DNMT3A: variants seen among roughly 807,000 people sequenced by gnomAD.
The protein encoded by DNMT3A is DNA methyltransferase 3 alpha.
In DNMT3A, 267 loss-of-function variants were observed where a neutral mutation model predicts 117.6. The observed-to-expected ratio is 2.27, with a 90% CI of 2.05 to 2.51. DNMT3A has a LOEUF of 2.51. Among genes scored for constraint, DNMT3A ranks in the 30% most tolerant of loss-of-function variants. The pLI, the probability that DNMT3A is intolerant of heterozygous loss-of-function variation, is 0.00. For missense variants in DNMT3A, 1,029 were observed against 1,260.2 expected (o/e 0.82, Z 2.78); for synonymous variants, 432 against 474.8 (o/e 0.91, Z 1.17).
At chr2:25,300,724 T>TATATA (rs2033435767) in intron 2 of DNMT3A, among the ~76,000 whole-genome samples, 1 of 18,610 alleles carries the variant, frequency 5.4e-5, no homozygotes, top group Non-Finnish European at 9.3e-5. Flanking sequence ...TATATATATA[T>TATATA]ATATATATAT....
Position 25,252,093 on chromosome 2 carries a change from A to T in DNMT3A, c.640-3841T>A, listed in dbSNP as rs1675636609. The T allele has an allele frequency of 1.4e-6, 2 of 1,437,316 alleles. No homozygotes were observed. Among genetic ancestry groups the T allele is most frequent in the East Asian group, 5.3e-5 (2 of 37,726 alleles). The allele number at this position is 1,437,316 out of a possible 1,614,324, so 89.0% of individuals were successfully genotyped here. A position where few individuals can be genotyped will look rare whatever the true frequency, so the allele number is the denominator to read the frequency against. On this transcript the variant is annotated intron_variant, in intron 6 of 22. Coordinates refer to ENST00000321117, the MANE Select transcript of DNMT3A (RefSeq NM_022552.5). This position sits in a 1 kb window ranked among gnomAD's most constrained non-coding sequence, Gnocchi z 5.5. Reference sequence around the variant, plus strand: ...CGCGGCTGCTGCGGGCCGGGGAGGCATACTTCACTCTTTTCAAACCCGGAG... The same window carrying T: ...CGCGGCTGCTGCGGGCCGGGGAGGCTTACTTCACTCTTTTCAAACCCGGAG...
In DNMT3A at chr2:25,244,284, TG is replaced by T; in HGVS notation, c.1721del (p.Ala574GlufsTer77). The T allele has an allele frequency of 6.2e-7, 1 of 1,612,988 alleles. No individual in the cohort carries two copies. The highest frequency in any genetic ancestry group is 8.5e-7 in the Non-Finnish European group (1 of 1,179,570). ...AGTTCCAGGGGTCTTCCTTAATGGC[TG>T]CCTGGGCAGCCCCCGGCCCCACCAA... is the stretch of plus-strand genomic sequence containing the variant. ...DLLVGPGAAQ[A>X]AIKEDPWNCY... On this transcript the variant is annotated frameshift_variant, in exon 15 of 23. Coordinates refer to ENST00000321117, the MANE Select transcript of DNMT3A (RefSeq NM_022552.5). LOFTEE classifies it high-confidence loss of function.
chr2:25,245,199 G>A, intron 13 of DNMT3A, 54 bp downstream of exon 13: 1 of 1,556,470 alleles, frequency 6.4e-7, no homozygotes, highest in Non-Finnish European at 8.8e-7. Context: ...CAGTCAGCCA[G>A]AAGGCCGAAG....
chr2:25,340,223 C>G (rs912138627), intron 1 of DNMT3A, among the ~76,000 whole-genome samples: 2 of 152,166 alleles, frequency 1.3e-5, no homozygotes, highest in African/African-American at 2.4e-5. Flanking sequence ...GGGGGCTCCC[C>G]TCAGGAGCCG....
In DNMT3A at chr2:25,246,667, A is replaced by T; in HGVS notation, c.1232T>A (p.Leu411Gln). The T allele has an allele frequency of 6.2e-7, 1 of 1,613,538 alleles. No homozygotes were observed. The highest frequency in any genetic ancestry group is 8.5e-7 in the Non-Finnish European group (1 of 1,179,968). ...VQNKPMIEWALGGFQPSGPKG... is the reference protein window; with the variant it reads ...VQNKPMIEWAQGGFQPSGPKG... ...AGGGCCAGAAGGCTGGAAGCCCCCC[A>T]GGGCCCATTCAATCATGGGCTTGTT... The change falls in exon 10 of 23, where the codon CTG becomes CAG. Residue 411 changes from leucine to glutamine, a missense_variant. Physicochemically the swap from Leu to Gln is moderately radical, Grantham distance 113 (BLOSUM62 -2). Transcript: ENST00000321117.
At chr2:25,261,808 T>TA (rs1676639195) in intron 6 of DNMT3A, among the ~76,000 whole-genome samples, 1 of 152,048 alleles carries the variant, frequency 6.6e-6, no homozygotes, top group Non-Finnish European at 1.5e-5. Context: ...GGTCCTCTCC[T>TA]AGCAGGTCTG....
intron 3 of DNMT3A, among the ~76,000 whole-genome samples, chr2:25,297,861 G>T (rs1169486749): frequency 5.9e-5 from 9 of 152,212 alleles, no homozygotes; most frequent in Admixed American, 5.9e-4. Flanking sequence ...CCAGGAGGTG[G>T]ACAGGGCAGG....
At chr2:25,255,498 C>G (rs1676030132) in intron 6 of DNMT3A, among the ~76,000 whole-genome samples, 1 of 152,198 alleles carries the variant, frequency 6.6e-6, no homozygotes, top group Admixed American at 6.5e-5. Flanking sequence ...AAGGAAGTAT[C>G]CAGTGTGGTC....
At chr2:25,300,068 C>T in intron 3 of DNMT3A, 71 bp downstream of exon 3, 1 of 1,513,230 alleles carries the variant, frequency 6.6e-7, no homozygotes, top group Non-Finnish European at 9.0e-7. Context: ...ACATACATCA[C>T]TGCCATCGAC....
At chr2:25,285,360 A>G (rs1020937429) in intron 3 of DNMT3A, among the ~76,000 whole-genome samples, 1 of 152,224 alleles carries the variant, frequency 6.6e-6, no homozygotes, top group Admixed American at 6.5e-5. Context: ...GGAAAACAAA[A>G]ACAAAAACAA....
intron 6 of DNMT3A, among the ~76,000 whole-genome samples, chr2:25,263,280 C>T (rs1260614147): frequency 6.6e-6 from 1 of 152,086 alleles, no homozygotes; most frequent in East Asian, 1.9e-4. Context: ...GGAAGCTTTC[C>T]TGGAGTCCTC....
chr2:25,316,452 A>G (rs2034386222), intron 1 of DNMT3A, among the ~76,000 whole-genome samples: 1 of 152,226 alleles, frequency 6.6e-6, no homozygotes, highest in African/African-American at 2.4e-5. Flanking sequence ...GTGTTGCTCA[A>G]TGGACCAGCC....
At position 25,244,167 on chromosome 2, in the gene DNMT3A, G is replaced by A. The variant is rs145941316; in HGVS notation, c.1839C>T (p.His613=). Reference sequence around the variant, plus strand: ...GCCCAGCACTCACAAATTCCTGGTCGTGGTTATTAGCGAAGAACATCTGGA... The same window carrying A: ...GCCCAGCACTCACAAATTCCTGGTCATGGTTATTAGCGAAGAACATCTGGA... The part of the protein sequence containing the change: ...SRLQMFFANN[H]DQEFDPPKVY... Residue 613 remains histidine (H), a synonymous_variant, in exon 15 of 23, where the codon CAC becomes CAT. Transcript: ENST00000321117. 20 of 1,613,932 alleles carry A rather than the reference G, an allele frequency of 1.2e-5. No individual in the cohort carries two copies. The highest frequency in any genetic ancestry group is 1.7e-5 in the Admixed American group (1 of 60,024).
chr2:25,308,824 C>A (rs936005678), intron 2 of DNMT3A, among the ~76,000 whole-genome samples: 6 of 152,140 alleles, frequency 3.9e-5, no homozygotes, highest in Non-Finnish European at 5.9e-5. Flanking sequence ...CTGGCAGGGA[C>A]CCCACCCAAG....
At chr2:25,340,909 T>C (rs2035400834) in intron 1 of DNMT3A, among the ~76,000 whole-genome samples, 1 of 116,454 alleles carries the variant, frequency 8.6e-6, no homozygotes, top group African/African-American at 3.2e-5. Context: ...CGCCCCCACA[T>C]TGCGGCGCCG....
chr2:25,310,994 CT>C (rs1245293728), intron 2 of DNMT3A, among the ~76,000 whole-genome samples: 9 of 152,172 alleles, frequency 5.9e-5, no homozygotes, highest in Non-Finnish European at 1.3e-4. Context: ...GGCTTTGAGG[CT>C]TTGACCAGGG....
chr2:25,277,772 G>A (rs2031551492), intron 4 of DNMT3A, among the ~76,000 whole-genome samples: 1 of 152,114 alleles, frequency 6.6e-6, no homozygotes, highest in Non-Finnish European at 1.5e-5. Context: ...AGACCTGGGG[G>A]GTGGAGTGAC....
In DNMT3A at chr2:25,252,085, G is replaced by A. The variant is rs1675635532; in HGVS notation, c.640-3833C>T. The A allele has an allele frequency of 2.2e-6, 3 of 1,385,428 alleles. No homozygotes were observed. Among genetic ancestry groups the A allele is most frequent in the South Asian group, 1.3e-5 (1 of 74,936 alleles). 85.8% of individuals were successfully genotyped at this position (1,385,428 alleles called of 1,614,324 possible). ...CGGGACGCCGCGGCTGCTGCGGGCC[G>A]GGGAGGCATACTTCACTCTTTTCAA... On this transcript the variant is annotated intron_variant, in intron 6 of 22. Coordinates refer to ENST00000321117, the MANE Select transcript of DNMT3A (RefSeq NM_022552.5). The surrounding 1 kb of genome is among the most constrained non-coding windows in gnomAD (Gnocchi z 5.5).
chr2:25,319,394 C>T (rs1183526933), intron 1 of DNMT3A, among the ~76,000 whole-genome samples: 1 of 152,142 alleles, frequency 6.6e-6, no homozygotes, highest in Admixed American at 6.5e-5. Context: ...AAGTGATCCT[C>T]CCACCTCAGC....
Sources: gnomAD v4.1 joint callset for allele counts (sites outside exome capture counted in the v4.1 genomes callset) on GRCh38, gnomAD v4.1.1 for gene constraint, Gnocchi (gnomAD v3.1) non-coding constraint, MANE v1.5 for transcripts, NCBI Gene and HGNC (gene_info 2026-07-23, HGNC 2026-07-21) for gene names.